The following IGF2BP2 variants were observed in gnomAD, a reference collection of about 807,000 sequenced individuals.
The protein encoded by IGF2BP2 is insulin-like growth factor 2 mRNA-binding protein 2.
In IGF2BP2, 17 loss-of-function variants were observed where a neutral mutation model predicts 75.8. The ratio of observed to expected loss-of-function variants is 0.22; its 90% CI spans 0.15 to 0.34. The LOEUF (loss-of-function observed/expected upper bound fraction) is 0.34. IGF2BP2 is among the 10% of genes least tolerant of loss of function. The pLI is 1.00. For missense variants in IGF2BP2, 516 were observed against 772.4 expected (o/e 0.67, Z 3.93); for synonymous variants, 288 against 295.6 (o/e 0.97, Z 0.26).
At chr3:185,754,820 T>C (rs1731399028) in intron 2 of IGF2BP2, among the ~76,000 whole-genome samples, 1 of 152,186 alleles carries the variant, frequency 6.6e-6, no homozygotes, top group African/African-American at 2.4e-5. Flanking sequence ...ACTTAGGGTA[T>C]CTGGTGGAAG....
At chr3:185,690,338 CT>C (rs1396799796) in intron 5 of IGF2BP2, among the ~76,000 whole-genome samples, 1 of 152,110 alleles carries the variant, frequency 6.6e-6, no homozygotes, top group Non-Finnish European at 1.5e-5. Flanking sequence ...ACTATCTTTA[CT>C]GTCTTTCTTA....
At chr3:185,741,525 C>T (rs1457988269) in intron 2 of IGF2BP2, among the ~76,000 whole-genome samples, 1 of 152,110 alleles carries the variant, frequency 6.6e-6, no homozygotes, top group Non-Finnish European at 1.5e-5. Flanking sequence ...GCACCCTGTC[C>T]CATGAATAAC....
At chr3:185,746,870 A>C (rs956808214) in intron 2 of IGF2BP2, among the ~76,000 whole-genome samples, 1 of 152,222 alleles carries the variant, frequency 6.6e-6, no homozygotes, top group African/African-American at 2.4e-5. Context: ...TGCTTTAAGC[A>C]AAGTTGTAAA....
chr3:185,707,637 C>A (rs1473860163), intron 2 of IGF2BP2, among the ~76,000 whole-genome samples: 1 of 151,962 alleles, frequency 6.6e-6, no homozygotes, highest in Non-Finnish European at 1.5e-5. Flanking sequence ...AATAGCTCAA[C>A]TATGTGAACT....
chr3:185,650,983 A>G (rs1577804940), intron 13 of IGF2BP2, among the ~76,000 whole-genome samples: 1 of 152,296 alleles, frequency 6.6e-6, no homozygotes, highest in East Asian at 1.9e-4. Context: ...ATCACAGCTC[A>G]CTGCAGCCTT....
rs1361193700 is a variant in IGF2BP2 at position 185,824,776 on chromosome 3, T to C, written c.178+7A>G. On this transcript the variant is annotated splice_region_variant and intron_variant, in intron 1 of 15. Transcript: ENST00000382199. ...GGCGGGGGGAGGGGGCCGCGCTGAG[T>C]GCTCACCCGAGAGGGTCTCGATGGC... 3 of 1,360,434 alleles carry C rather than the reference T, an allele frequency of 2.2e-6. No homozygotes were observed. The highest frequency in any genetic ancestry group is 1.8e-5 in the South Asian group (1 of 56,726). The allele number at this position is 1,360,434 out of a possible 1,614,324, so 84.3% of individuals were successfully genotyped here. A position where few individuals can be genotyped will look rare whatever the true frequency, so the allele number is the denominator to read the frequency against.
At chr3:185,728,454 T>C (rs1395820063) in intron 2 of IGF2BP2, 2 of 152,122 alleles carry the variant, frequency 1.3e-5, no homozygotes, top group Non-Finnish European at 2.9e-5. Flanking sequence ...TTTACCACCA[T>C]AAAGGTAAAA....
intron 2 of IGF2BP2, among the ~76,000 whole-genome samples, chr3:185,719,777 T>C (rs774214228): frequency 3.0e-4 from 46 of 151,922 alleles, no homozygotes; most frequent in Non-Finnish European, 5.4e-4. Context: ...GAGGTTGCAG[T>C]GAGCCGAGAT....
chr3:185,679,764 G>A (rs1292107605), intron 7 of IGF2BP2, among the ~76,000 whole-genome samples: 1 of 151,988 alleles, frequency 6.6e-6, no homozygotes, highest in Admixed American at 6.6e-5. Context: ...TTACAGGTGT[G>A]TGCCACCACA....
At chr3:185,811,929 C>T (rs1368793780) in intron 2 of IGF2BP2, among the ~76,000 whole-genome samples, 4 of 151,158 alleles carry the variant, frequency 2.6e-5, no homozygotes, top group South Asian at 2.1e-4. Flanking sequence ...TTTAACAACA[C>T]GTAGCTAAAT....
chr3:185,787,594 G>A (rs1056665673), intron 2 of IGF2BP2, among the ~76,000 whole-genome samples: 12 of 152,128 alleles, frequency 7.9e-5, no homozygotes, highest in African/African-American at 1.9e-4. Context: ...TTAGCTGGGC[G>A]TGGTAGTGGG....
chr3:185,739,976 C>T (rs1251056502), intron 2 of IGF2BP2, among the ~76,000 whole-genome samples: 1 of 151,524 alleles, frequency 6.6e-6, no homozygotes, highest in East Asian at 2.0e-4. Flanking sequence ...CCACCTCACC[C>T]TCCTGAGTAG....
At chr3:185,753,521 T>A (rs1250726221) in intron 2 of IGF2BP2, among the ~76,000 whole-genome samples, 5 of 152,166 alleles carry the variant, frequency 3.3e-5, no homozygotes, top group Non-Finnish European at 4.4e-5. Flanking sequence ...TCTGCCTCTG[T>A]GTCACACGAA....
chr3:185,776,480 T>C (rs73175575), intron 2 of IGF2BP2, among the ~76,000 whole-genome samples: 4,338 of 152,272 alleles, frequency 0.028, 86 homozygotes, highest in Non-Finnish European at 0.046. Context: ...GTGGTGCAAC[T>C]GAGATCCAGG....
At position 185,792,591 on chromosome 3, in the gene IGF2BP2, C is replaced by T. The variant is rs564644885; in HGVS notation, c.239+30562G>A. Among the ~76,000 whole-genome samples, 5 of 152,026 alleles carry T rather than the reference C, an allele frequency of 3.3e-5. No individual in the cohort carries two copies. The East Asian group carries it at 9.7e-4, about 29-fold the overall frequency. On this transcript the variant is annotated intron_variant, in intron 2 of 15. Coordinates refer to ENST00000382199, the MANE Select transcript of IGF2BP2 (RefSeq NM_006548.6). ...CCAGCCTGGTCAACATGGTGAAACC[C>T]CATCTCTACTAAAAAATACAAAAAA...
chr3:185,725,968 A>G (rs1468297256), intron 2 of IGF2BP2, among the ~76,000 whole-genome samples: 1 of 152,180 alleles, frequency 6.6e-6, no homozygotes, highest in Non-Finnish European at 1.5e-5. Flanking sequence ...TCAAAAAATA[A>G]ATTAATAAAT....
At chr3:185,652,068 G>C (rs1280066975) in intron 13 of IGF2BP2, 26 bp downstream of exon 13, 2 of 1,596,704 alleles carry the variant, frequency 1.3e-6, no homozygotes, top group Non-Finnish European at 1.7e-6. Flanking sequence ...AGAGCCTGCA[G>C]GGCTGAGGTG....
At chr3:185,665,409 A>AGGAGGAG (rs1560251099) in intron 10 of IGF2BP2, among the ~76,000 whole-genome samples, 1 of 24,818 alleles carries the variant, frequency 4.0e-5, no homozygotes, top group Non-Finnish European at 7.6e-5. Flanking sequence ...AGGAGAAGGA[A>AGGAGGAG]AAGGAGGAGA....
chr3:185,782,065 A>G (rs2149805305), intron 2 of IGF2BP2, among the ~76,000 whole-genome samples: 1 of 152,312 alleles, frequency 6.6e-6, no homozygotes, highest in African/African-American at 2.4e-5. Context: ...CATTTAAAAC[A>G]TATGTACTGG....
Sources: gnomAD v4.1 joint callset for allele counts (sites outside exome capture counted in the v4.1 genomes callset) on GRCh38, gnomAD v4.1.1 for gene constraint, MANE v1.5 for transcripts, NCBI Gene and HGNC (gene_info 2026-07-23, HGNC 2026-07-21) for gene names.